Variants in REEP1 observed in about 807,000 individuals in gnomAD.
The protein encoded by REEP1 is receptor expression-enhancing protein 1.
In REEP1, 22 loss-of-function variants were observed where a neutral mutation model predicts 40.3. That is an observed-to-expected ratio of 0.55 (90% CI 0.39 to 0.78). The LOEUF (loss-of-function observed/expected upper bound fraction) is 0.78, where lower values mean the gene tolerates loss of function less well. Ranked by LOEUF, REEP1 falls within the 30% of genes least tolerant of loss-of-function variation. The probability of loss-of-function intolerance (pLI) is 0.00; values close to 1 mark genes in which losing one functional copy is unlikely to be tolerated. For synonymous variants in REEP1, 116 were observed against 139.2 expected, an observed-to-expected ratio of 0.83 and a Z score of 1.17; for missense variants, 280 against 361.1, an observed-to-expected ratio of 0.78 and a Z score of 1.82.
chr2:86,271,773 C>T (rs2104347061), intron 2 of REEP1, among the ~76,000 whole-genome samples: 1 of 152,354 alleles, frequency 6.6e-6, no homozygotes, highest in Admixed American at 6.5e-5. Flanking sequence ...AAGTCTATAG[C>T]CTGCTGGGGC....
intron 2 of REEP1, among the ~76,000 whole-genome samples, chr2:86,281,489 G>A (rs137857948): frequency 9.3e-4 from 141 of 152,222 alleles, no homozygotes; most frequent in Admixed American, 3.1e-3. Context: ...TTAGCTGGGC[G>A]TGGTGGCACA....
chr2:86,282,480 G>A (rs543242819), intron 1 of REEP1, among the ~76,000 whole-genome samples: 1 of 152,186 alleles, frequency 6.6e-6, no homozygotes, highest in East Asian at 1.9e-4. Context: ...TGGCAACATG[G>A]AAGGGTGGTT....
chr2:86,307,588 C>T (rs1679555568), intron 1 of REEP1, among the ~76,000 whole-genome samples: 1 of 152,128 alleles, frequency 6.6e-6, no homozygotes, highest in Admixed American at 6.6e-5. Flanking sequence ...GAGTGAGACC[C>T]TGTCTCTACA....
At chr2:86,239,651 A>C (rs1675566870) in intron 5 of REEP1, among the ~76,000 whole-genome samples, 1 of 152,222 alleles carries the variant, frequency 6.6e-6, no homozygotes, top group Non-Finnish European at 1.5e-5. Context: ...CATGAGGACC[A>C]GGCCCTTGTC....
chr2:86,262,352 G>C (rs1008269371), intron 3 of REEP1, among the ~76,000 whole-genome samples: 1 of 152,226 alleles, frequency 6.6e-6, no homozygotes, highest in Non-Finnish European at 1.5e-5. Flanking sequence ...GCTCAGCAGA[G>C]AGCTCTGTCC....
chr2:86,311,317 C>T (rs986491172), intron 1 of REEP1, among the ~76,000 whole-genome samples: 5 of 152,140 alleles, frequency 3.3e-5, no homozygotes, highest in East Asian at 1.9e-4. Flanking sequence ...CAGCAGGGGC[C>T]GATGGGTTTT....
intron 2 of REEP1, among the ~76,000 whole-genome samples, chr2:86,274,038 G>A (rs563816247): frequency 2.6e-5 from 4 of 152,334 alleles, no homozygotes; most frequent in Admixed American, 6.5e-5. Context: ...AAAAGGTTAA[G>A]AAAGAGTATA....
intron 4 of REEP1, 151 bp from the exon 5 acceptor site, chr2:86,252,221 G>A: frequency 1.4e-6 from 1 of 701,940 alleles, no homozygotes. Context: ...AGGTGTGCGT[G>A]CAGAGGGGAG....
chr2:86,279,433 T>G (rs527331247), intron 2 of REEP1, among the ~76,000 whole-genome samples: 1 of 151,826 alleles, frequency 6.6e-6, no homozygotes, highest in African/African-American at 2.4e-5. Flanking sequence ...GGCAACAGAG[T>G]GGGAAAGCAG....
intron 8 of REEP1, among the ~76,000 whole-genome samples, chr2:86,219,452 T>C (rs925320868): frequency 2.0e-5 from 1 of 49,664 alleles, no homozygotes; most frequent in Admixed American, 2.5e-4. Context: ...TTTTCTTTTC[T>C]TTTTTTTTTT....
At chr2:86,316,635 G>C (rs1680026108) in intron 1 of REEP1, among the ~76,000 whole-genome samples, 1 of 151,388 alleles carries the variant, frequency 6.6e-6, no homozygotes, top group South Asian at 2.1e-4. Flanking sequence ...GAGGTGGGCA[G>C]ATCACCTGAG....
intron 2 of REEP1, among the ~76,000 whole-genome samples, chr2:86,277,387 T>A (rs1352727356): frequency 6.6e-6 from 1 of 151,874 alleles, no homozygotes; most frequent in Admixed American, 6.6e-5. Flanking sequence ...GAAACCCCCA[T>A]CTCTACAAAA....
chr2:86,338,007 C>A (rs185618007), upstream of REEP1: 3,599 of 1,535,634 alleles, frequency 2.3e-3, 15 homozygotes, highest in Middle Eastern at 5.7e-3. Flanking sequence ...AGTGCGTTAG[C>A]CTCATAAAGG....
At chr2:86,282,045 T>G (rs1365513567) in intron 2 of REEP1, 125 bp downstream of exon 2, 3 of 744,100 alleles carry the variant, frequency 4.0e-6, no homozygotes, top group Non-Finnish European at 7.5e-6. Flanking sequence ...TCATGAGAAC[T>G]GTGATGAAGG....
chr2:86,331,298 C>G (rs1281893263), intron 1 of REEP1, among the ~76,000 whole-genome samples: 1 of 152,200 alleles, frequency 6.6e-6, no homozygotes, highest in Non-Finnish European at 1.5e-5. Flanking sequence ...GGACCAATGT[C>G]TGTGCCCAGG....
rs1297852622 is a variant in REEP1, at chr2:86,222,955, T to C, written c.632-2834A>G. 3.3e-5 allele frequency among the ~76,000 whole-genome samples: 5 copies of C among 152,206 alleles called. No individual in the cohort carries two copies. The East Asian group carries it at 9.6e-4, about 29-fold the overall frequency. ...TGGTGACCCAACAGGTCCTTACCCCTGGCAACAGGCCTGAAAGAGTATTGC... is the reference window on the plus strand; with the variant it reads ...TGGTGACCCAACAGGTCCTTACCCCCGGCAACAGGCCTGAAAGAGTATTGC... On this transcript the variant is annotated intron_variant, in intron 7 of 8. Coordinates refer to ENST00000538924, the MANE Select transcript of REEP1 (RefSeq NM_001371279.1).
chr2:86,270,035 A>C (rs1010031682), intron 2 of REEP1, among the ~76,000 whole-genome samples: 7 of 152,210 alleles, frequency 4.6e-5, no homozygotes, highest in African/African-American at 1.7e-4. Flanking sequence ...CTGAACAGAC[A>C]CTCCACAAAG....
intron 5 of REEP1, among the ~76,000 whole-genome samples, chr2:86,238,508 G>T (rs1040547944): frequency 1.3e-5 from 2 of 152,150 alleles, no homozygotes; most frequent in Non-Finnish European, 2.9e-5. Flanking sequence ...ACATATTTGG[G>T]GTTAAGGAGT....
intron 1 of REEP1, among the ~76,000 whole-genome samples, chr2:86,326,225 T>A (rs901991935): frequency 2.6e-5 from 4 of 152,186 alleles, no homozygotes; most frequent in Admixed American, 6.5e-5. Context: ...AACTTATTCA[T>A]CTTTATATCC....
Sources: allele counts gnomAD v4.1 joint callset (sites outside exome capture counted in the v4.1 genomes callset), GRCh38; gene constraint gnomAD v4.1.1; transcripts MANE v1.5; gene names NCBI Gene and HGNC (gene_info 2026-07-23, HGNC 2026-07-21).